Variants in RASGEF1A observed in about 807,000 individuals in gnomAD.
RASGEF1A encodes ras-GEF domain-containing family member 1A.
A neutral mutation model predicts 56.4 loss-of-function variants in RASGEF1A; 18 were observed. That is an observed-to-expected ratio of 0.32 (90% CI 0.22 to 0.47). RASGEF1A has a LOEUF of 0.47. Ranked by LOEUF, RASGEF1A falls within the 20% of genes least tolerant of loss-of-function variation. RASGEF1A has a pLI of 1.00. For missense variants in RASGEF1A, 422 were observed against 627.1 expected (o/e 0.67, Z 3.49); for synonymous variants, 245 against 242.6 (o/e 1.01, Z -0.09).
chr10:43,248,458 A>G (rs941692746), intron 1 of RASGEF1A, among the ~76,000 whole-genome samples: 1 of 152,156 alleles, frequency 6.6e-6, no homozygotes, highest in African/African-American at 2.4e-5. Context: ...TGCACTTTAA[A>G]AGGGTAAAAT....
chr10:43,225,881 G>C (rs747455021), intron 1 of RASGEF1A, among the ~76,000 whole-genome samples: 11 of 152,206 alleles, frequency 7.2e-5, no homozygotes, highest in Non-Finnish European at 1.5e-4. Context: ...CCCACGGGGA[G>C]GGGGAGAGAG....
At chr10:43,250,348 C>T (rs530618333) in intron 1 of RASGEF1A, among the ~76,000 whole-genome samples, 1 of 152,290 alleles carries the variant, frequency 6.6e-6, no homozygotes, top group African/African-American at 2.4e-5. Flanking sequence ...TGTCGGGGGA[C>T]GCAGAGACCA....
At chr10:43,246,038 C>T (rs1434579005) in intron 1 of RASGEF1A, among the ~76,000 whole-genome samples, 1 of 152,096 alleles carries the variant, frequency 6.6e-6, no homozygotes, top group African/African-American at 2.4e-5. Flanking sequence ...CAGACACACA[C>T]ACTATTAGAA....
chr10:43,203,831 T>G (rs1391866213), intron 2 of RASGEF1A: 8 of 721,972 alleles, frequency 1.1e-5, no homozygotes, highest in Admixed American at 6.5e-5. Context: ...GTGGGGAGGG[T>G]GGGGGATGCA....
At position 43,252,790 on chromosome 10, in the gene RASGEF1A, C is replaced by A. The variant is rs552958643; in HGVS notation, c.-7+14055G>T. Among the ~76,000 whole-genome samples, 133 of 152,272 alleles carry A rather than the reference C, an allele frequency of 8.7e-4. 2 individuals carry two copies. In the South Asian group the frequency reaches 0.027, roughly 31 times the overall value. ...CACAGAGGCTTGCAGGCTCCCTCTG[C>A]TGCACACCCAGTGACTGGCTCGCGG... On this transcript the variant is annotated intron_variant, in intron 1 of 12. Coordinates refer to ENST00000395810, the MANE Select transcript of RASGEF1A (RefSeq NM_145313.4).
At chr10:43,209,518 A>G (rs1412138809) in intron 1 of RASGEF1A, among the ~76,000 whole-genome samples, 1 of 152,244 alleles carries the variant, frequency 6.6e-6, no homozygotes, top group Non-Finnish European at 1.5e-5. Context: ...AGGGAAGATC[A>G]GAGGAGCCCC....
intron 1 of RASGEF1A, among the ~76,000 whole-genome samples, chr10:43,263,466 G>T (rs1338043615): frequency 6.6e-6 from 1 of 152,158 alleles, no homozygotes; most frequent in African/African-American, 2.4e-5. Context: ...AAAAGCACCT[G>T]TCAACCGGAC....
At chr10:43,208,943 G>A (rs1368788153) in intron 1 of RASGEF1A, 2 of 985,404 alleles carry the variant, frequency 2.0e-6, no homozygotes, top group Admixed American at 6.1e-5. Flanking sequence ...CTTCCCAGCT[G>A]TGAAATGGTG....
At chr10:43,202,084 C>T (rs1839909033) in intron 3 of RASGEF1A, 139 bp from the exon 4 acceptor site, 3 of 884,222 alleles carry the variant, frequency 3.4e-6, no homozygotes, top group South Asian at 2.8e-5. Context: ...GTGCCACCTG[C>T]GGTTTGGCCA....
chr10:43,200,859 G>A lies in RASGEF1A; in HGVS notation c.489C>T (p.Ala163=). The A allele has an allele frequency of 6.2e-7, 1 of 1,614,028 alleles. No individual in the cohort carries two copies. Among genetic ancestry groups the A allele is most frequent in the Non-Finnish European group, 8.5e-7 (1 of 1,180,014 alleles). ...EENGTVKKAI[A]QMTQSLLLSL... ...ACAGCAACAGGCTCTGTGTCATCTG[G>A]GCAATGGCCTTCTTCACTGTGCCAT... is the stretch of plus-strand genomic sequence containing the variant. Residue 163 remains alanine, a synonymous_variant, in exon 5 of 13, where the codon GCC becomes GCT. Coordinates refer to ENST00000395810, the MANE Select transcript of RASGEF1A (RefSeq NM_145313.4).
chr10:43,248,108 C>T (rs1340759888), intron 1 of RASGEF1A, among the ~76,000 whole-genome samples: 5 of 150,360 alleles, frequency 3.3e-5, no homozygotes, highest in Admixed American at 6.6e-5. Context: ...ATAATCCCAG[C>T]ACTTTGGGAG....
chr10:43,202,321 T>C (rs1839912409), intron 3 of RASGEF1A, among the ~76,000 whole-genome samples: 1 of 152,176 alleles, frequency 6.6e-6, no homozygotes, highest in Non-Finnish European at 1.5e-5. Context: ...CCCCCTGTGG[T>C]TGAAAGGGCG....
chr10:43,231,785 G>A (rs113240877), intron 1 of RASGEF1A, among the ~76,000 whole-genome samples: 3 of 152,258 alleles, frequency 2.0e-5, no homozygotes, highest in Non-Finnish European at 2.9e-5. Flanking sequence ...CCTGCCAGGC[G>A]TCCTGCTTGC....
At chr10:43,259,225 C>T (rs1480302789) in intron 1 of RASGEF1A, among the ~76,000 whole-genome samples, 1 of 152,228 alleles carries the variant, frequency 6.6e-6, no homozygotes, top group Non-Finnish European at 1.5e-5. Flanking sequence ...CAGGAGCAGG[C>T]TGGACCTGAG....
chr10:43,197,212 A>ATCTT, intron 10 of RASGEF1A, 113 bp from the exon 11 acceptor site: 3 of 1,274,876 alleles, frequency 2.4e-6, no homozygotes, highest in Non-Finnish European at 3.3e-6. Context: ...CACTGGTCCC[A>ATCTT]GCAAGATGGG....
chr10:43,248,730 T>C (rs1208026478), intron 1 of RASGEF1A, among the ~76,000 whole-genome samples: 4 of 152,338 alleles, frequency 2.6e-5, no homozygotes, highest in African/African-American at 9.6e-5. Flanking sequence ...TCATTTTTCT[T>C]TGGCCTGAGT....
At chr10:43,255,395 GACC>G (rs1332066269) in intron 1 of RASGEF1A, among the ~76,000 whole-genome samples, 1 of 152,014 alleles carries the variant, frequency 6.6e-6, no homozygotes, top group African/African-American at 2.4e-5. Context: ...TGAGAGAGCT[GACC>G]ACTGTCCTGA....
chr10:43,237,449 T>TC (rs1840445101), intron 1 of RASGEF1A, among the ~76,000 whole-genome samples: 1 of 11,488 alleles, frequency 8.7e-5, no homozygotes, highest in Non-Finnish European at 1.8e-4. Flanking sequence ...CCTCCTCCCC[T>TC]CCCCTCCCCC....
In RASGEF1A at chr10:43,207,462, C is replaced by T. The variant is rs538567093; in HGVS notation, c.-6-1340G>A. ...CACACACAGCACGTCCCTGTCCCTC[C>T]CACCAGGGAAAAAAGAGCATCTGGC... On this transcript the variant is annotated intron_variant, in intron 1 of 12. Transcript: ENST00000395810. 5.1e-6 allele frequency: 5 copies of T among 984,364 alleles called. No individual in the cohort carries two copies. The African/African-American group carries it at 7.1e-5, about 14-fold the overall frequency. The allele number at this position is 984,364 out of a possible 1,614,324, so 61.0% of individuals were successfully genotyped here. A position where few individuals can be genotyped will look rare whatever the true frequency, so the allele number is the denominator to read the frequency against.
Sources: gnomAD v4.1 joint callset for allele counts (sites outside exome capture counted in the v4.1 genomes callset) on GRCh38, gnomAD v4.1.1 for gene constraint, MANE v1.5 for transcripts, NCBI Gene and HGNC (gene_info 2026-07-23, HGNC 2026-07-21) for gene names.